Variants in CHMP4B observed in about 807,000 individuals in gnomAD.
The protein encoded by CHMP4B is SNF7 homolog associated with Alix 1.
A neutral mutation model predicts 25.1 loss-of-function variants in CHMP4B; 1 was observed. The observed-to-expected ratio is 0.04, with a 90% confidence interval of 0.01 to 0.19. The LOEUF is 0.19. Ranked by LOEUF, CHMP4B falls within the 10% of genes least tolerant of loss-of-function variation. CHMP4B has a pLI of 1.00. For missense variants in CHMP4B, 151 were observed against 289.7 expected (o/e 0.52, Z 3.48); for synonymous variants, 101 against 115.6 (o/e 0.87, Z 0.81).
intron 1 of CHMP4B, among the ~76,000 whole-genome samples, chr20:33,842,798 C>T (rs1979579569): frequency 1.3e-5 from 2 of 152,156 alleles, no homozygotes; most frequent in African/African-American, 2.4e-5. Flanking sequence ...CACTGCCATT[C>T]GTTTAGTGAG....
intron 1 of CHMP4B, among the ~76,000 whole-genome samples, chr20:33,823,664 A>G (rs940855135): frequency 8.5e-5 from 13 of 152,060 alleles, no homozygotes; most frequent in Admixed American, 4.6e-4. Context: ...CAGCCTCCCA[A>G]GTATCTGGGA....
chr20:33,852,478 G>A (rs1979882276), intron 4 of CHMP4B, among the ~76,000 whole-genome samples: 2 of 151,618 alleles, frequency 1.3e-5, no homozygotes, highest in Non-Finnish European at 2.9e-5. Context: ...GAGAGATGGA[G>A]GGTGGGGGCG....
intron 1 of CHMP4B, among the ~76,000 whole-genome samples, chr20:33,817,303 A>G (rs187181601): frequency 6.6e-5 from 10 of 152,372 alleles, no homozygotes; most frequent in Admixed American, 5.2e-4. Context: ...TGTGTTGGCT[A>G]TCCAAACACA....
chr20:33,838,791 A>C (rs1226145521), intron 1 of CHMP4B, among the ~76,000 whole-genome samples: 1 of 152,026 alleles, frequency 6.6e-6, no homozygotes, highest in East Asian at 1.9e-4. Flanking sequence ...TATCTTGATC[A>C]CCAAGAGCTA....
intron 1 of CHMP4B, among the ~76,000 whole-genome samples, chr20:33,817,210 G>A (rs185071951): frequency 6.6e-6 from 1 of 152,130 alleles, no homozygotes; most frequent in Non-Finnish European, 1.5e-5. Context: ...CCTCAGTGAC[G>A]CTTAAGTTTC....
intron 1 of CHMP4B, among the ~76,000 whole-genome samples, chr20:33,834,346 T>C (rs1979334139): frequency 6.6e-6 from 1 of 152,168 alleles, no homozygotes; most frequent in Non-Finnish European, 1.5e-5. Context: ...GTTATCACTC[T>C]CTCACCTAGG....
At chr20:33,833,043 C>G (rs1022132809) in intron 1 of CHMP4B, among the ~76,000 whole-genome samples, 10 of 151,992 alleles carry the variant, frequency 6.6e-5, no homozygotes, top group African/African-American at 2.4e-4. Context: ...CCTGCTTTGG[C>G]CTCCCAAAGT....
chr20:33,844,576 TG>T (rs1979628848), intron 1 of CHMP4B, among the ~76,000 whole-genome samples: 1 of 152,196 alleles, frequency 6.6e-6, no homozygotes, highest in African/African-American at 2.4e-5. Context: ...AAGGAGTCAC[TG>T]CCAGTGGAAA....
At chr20:33,839,747 G>T (rs989655893) in intron 1 of CHMP4B, among the ~76,000 whole-genome samples, 1 of 152,062 alleles carries the variant, frequency 6.6e-6, no homozygotes, top group Non-Finnish European at 1.5e-5. Context: ...TTGGTGCGGG[G>T]TAGACGCTCT....
At chr20:33,831,426 C>T (rs931238334) in intron 1 of CHMP4B, among the ~76,000 whole-genome samples, 4 of 152,016 alleles carry the variant, frequency 2.6e-5, no homozygotes, top group East Asian at 1.9e-4. Context: ...GATGAGGTTT[C>T]GCTGTGTTGG....
intron 3 of CHMP4B, 52 bp from the exon 4 acceptor site, chr20:33,852,025 C>G: frequency 6.2e-7 from 1 of 1,612,088 alleles, no homozygotes; most frequent in Non-Finnish European, 8.5e-7. Context: ...GGCATGACCG[C>G]GGGGGCTGGG....
intron 1 of CHMP4B, among the ~76,000 whole-genome samples, chr20:33,817,411 A>G (rs2747537): frequency 0.49 from 75,270 of 152,076 alleles, 19,481 homozygotes; most frequent in East Asian, 0.91. Context: ...TTATAATGTG[A>G]TTTGTAACTC....
At chr20:33,833,963 A>G (rs1292827944) in intron 1 of CHMP4B, among the ~76,000 whole-genome samples, 3 of 152,214 alleles carry the variant, frequency 2.0e-5, no homozygotes, top group African/African-American at 7.2e-5. Context: ...AGAATGAGCA[A>G]AGGAATTGCC....
At chr20:33,842,943 G>C (rs1979583381) in intron 1 of CHMP4B, among the ~76,000 whole-genome samples, 1 of 152,184 alleles carries the variant, frequency 6.6e-6, no homozygotes, top group Non-Finnish European at 1.5e-5. Flanking sequence ...CCCAGATCTG[G>C]GACAGGCAGA....
rs778978509 is a variant in CHMP4B, at chr20:33,852,248, G to A, written c.610+45G>A. The A allele has an allele frequency of 3.7e-6, 6 of 1,612,988 alleles. No homozygotes were observed. In the South Asian group the frequency reaches 5.5e-5, roughly 15 times the overall value. On this transcript the variant is annotated intron_variant, in intron 4 of 4. Transcript: ENST00000217402. ...TGGCACACCGTGAGGTCATGTGGCAGGTGATCTTGTGGTCGGTTGGCTTTG... is the reference window on the plus strand; with the variant it reads ...TGGCACACCGTGAGGTCATGTGGCAAGTGATCTTGTGGTCGGTTGGCTTTG...
intron 4 of CHMP4B, among the ~76,000 whole-genome samples, chr20:33,852,876 C>T (rs1033933912): frequency 2.6e-5 from 4 of 152,204 alleles, no homozygotes; most frequent in African/African-American, 9.7e-5. Context: ...CATTTCTTCC[C>T]TTCCCCCATC....
chr20:33,832,775 ATT>A (rs35940987), intron 1 of CHMP4B, among the ~76,000 whole-genome samples: 184 of 138,204 alleles, frequency 1.3e-3, no homozygotes, highest in African/African-American at 4.4e-3. Flanking sequence ...ACAATAAATG[ATT>A]TTTTTTTTTT....
intron 1 of CHMP4B, among the ~76,000 whole-genome samples, chr20:33,815,554 T>C (rs544070150): frequency 6.6e-6 from 1 of 152,072 alleles, no homozygotes; most frequent in Non-Finnish European, 1.5e-5. Context: ...TACTTGATAA[T>C]TGTATAGTCC....
intron 1 of CHMP4B, among the ~76,000 whole-genome samples, chr20:33,814,722 A>G (rs1327911287): frequency 6.6e-6 from 1 of 152,196 alleles, no homozygotes; most frequent in Non-Finnish European, 1.5e-5. Context: ...TGGTGCAGTT[A>G]TAGCTCAGTG....
Sources: allele counts gnomAD v4.1 joint callset (sites outside exome capture counted in the v4.1 genomes callset), GRCh38; gene constraint gnomAD v4.1.1; transcripts MANE v1.5; gene names NCBI Gene and HGNC (gene_info 2026-07-23, HGNC 2026-07-21).